GALNT13: variants seen among roughly 807,000 people sequenced by gnomAD.
The protein encoded by GALNT13 is polypeptide N-acetylgalactosaminyltransferase 13.
A neutral mutation model predicts 64.2 loss-of-function variants in GALNT13; 28 were observed. The ratio of observed to expected loss-of-function variants is 0.44; its 90% CI spans 0.32 to 0.60. The LOEUF is 0.60. Among genes scored for constraint, GALNT13 ranks in the 20% least tolerant of loss-of-function variants. GALNT13 has a pLI of 0.05. For synonymous variants in GALNT13, 214 were observed against 224.6 expected (o/e 0.95, Z 0.42); for missense variants, 577 against 669.8 (o/e 0.86, Z 1.53).
intron 9 of GALNT13, among the ~76,000 whole-genome samples, chr2:154,346,640 A>G (rs775424789): frequency 2.0e-5 from 3 of 152,120 alleles, no homozygotes; most frequent in East Asian, 1.9e-4. Context: ...CTCCCCAGCT[A>G]TGTGGAACTG....
intron 2 of GALNT13, among the ~76,000 whole-genome samples, chr2:153,934,993 C>T (rs1056906933): frequency 4.6e-5 from 7 of 152,094 alleles, no homozygotes; most frequent in Non-Finnish European, 1.0e-4. Flanking sequence ...ATTGAACACC[C>T]TAAATAATAT....
chr2:154,259,887 G>A (rs1191792114), intron 8 of GALNT13, among the ~76,000 whole-genome samples: 1 of 151,686 alleles, frequency 6.6e-6, no homozygotes, highest in African/African-American at 2.4e-5. Context: ...TGTTATTGTT[G>A]TTGTTGTTTT....
At chr2:154,152,341 T>C (rs1292598188) in intron 4 of GALNT13, among the ~76,000 whole-genome samples, 1 of 152,112 alleles carries the variant, frequency 6.6e-6, no homozygotes, top group African/African-American at 2.4e-5. Flanking sequence ...TAACCCGACC[T>C]TTCTCTCTGG....
intron 3 of GALNT13, among the ~76,000 whole-genome samples, chr2:154,010,087 A>G (rs1290579001): frequency 6.6e-6 from 1 of 152,210 alleles, no homozygotes. Flanking sequence ...TTCTCAAGGT[A>G]TGAAATCATA....
intron 9 of GALNT13, among the ~76,000 whole-genome samples, chr2:154,389,917 G>A (rs757231477): frequency 2.1e-4 from 32 of 152,130 alleles, no homozygotes; most frequent in Admixed American, 4.6e-4. Context: ...GATGGGTGAG[G>A]GGGTCTGGTG....
At chr2:153,997,421 G>A (rs1046799903) in intron 3 of GALNT13, among the ~76,000 whole-genome samples, 53 of 151,880 alleles carry the variant, frequency 3.5e-4, no homozygotes, top group African/African-American at 1.3e-3. Context: ...TTCTTAGGGG[G>A]ATATTTTTGG....
chr2:153,569,149 G>A, the GALNT13 span, among the ~76,000 whole-genome samples: 3 of 152,108 alleles, frequency 2.0e-5, no homozygotes, highest in East Asian at 5.8e-4. Flanking sequence ...TTATGCTTAT[G>A]TTAAATGCTA....
chr2:153,125,190 T>C, the GALNT13 span, among the ~76,000 whole-genome samples: 2 of 152,366 alleles, frequency 1.3e-5, no homozygotes, highest in East Asian at 1.9e-4. Context: ...GGCAACCTTA[T>C]GCCCAAGGTC....
At chr2:153,282,281 T>G in the GALNT13 span, among the ~76,000 whole-genome samples, 1 of 152,252 alleles carries the variant, frequency 6.6e-6, no homozygotes, top group African/African-American at 2.4e-5. Context: ...TCCTGAATTG[T>G]TTTAGAAGTT....
chr2:153,934,920 T>G (rs146289442), intron 2 of GALNT13, among the ~76,000 whole-genome samples: 37 of 152,312 alleles, frequency 2.4e-4, no homozygotes, highest in African/African-American at 8.9e-4. Context: ...CTCTCAATGA[T>G]ATCCACTTTT....
chr2:154,185,312 A>G (rs1686189952), intron 4 of GALNT13, among the ~76,000 whole-genome samples: 1 of 152,024 alleles, frequency 6.6e-6, no homozygotes. Flanking sequence ...TTTGATTATC[A>G]TATGTTTCAG....
At chr2:154,022,458 C>G (rs995778178) in intron 3 of GALNT13, among the ~76,000 whole-genome samples, 1 of 152,132 alleles carries the variant, frequency 6.6e-6, no homozygotes, top group Admixed American at 6.5e-5. Flanking sequence ...TCCATTTCTT[C>G]TAGATTTTCT....
At chr2:153,149,158 A>T in the GALNT13 span, among the ~76,000 whole-genome samples, 1 of 151,854 alleles carries the variant, frequency 6.6e-6, no homozygotes, top group Non-Finnish European at 1.5e-5. Flanking sequence ...TTGAACATTA[A>T]ATTTGGTCCA....
chr2:153,568,147 T>A, the GALNT13 span, among the ~76,000 whole-genome samples: 1 of 152,360 alleles, frequency 6.6e-6, no homozygotes, highest in Non-Finnish European at 1.5e-5. Flanking sequence ...GGAAAAGTTG[T>A]TTAACATTAA....
At chr2:154,307,668 C>G (rs1693812930) in intron 9 of GALNT13, among the ~76,000 whole-genome samples, 1 of 151,986 alleles carries the variant, frequency 6.6e-6, no homozygotes, top group South Asian at 2.1e-4. Flanking sequence ...GATGCAAATA[C>G]TATATAGCAT....
chr2:154,071,284 T>G (rs926801271), intron 3 of GALNT13, among the ~76,000 whole-genome samples: 7 of 152,126 alleles, frequency 4.6e-5, no homozygotes, highest in African/African-American at 1.7e-4. Flanking sequence ...GAGACTGATA[T>G]AGGGGGTTGA....
chr2:153,987,227 A>G (rs1427886041), intron 3 of GALNT13, among the ~76,000 whole-genome samples: 1 of 151,978 alleles, frequency 6.6e-6, no homozygotes, highest in Non-Finnish European at 1.5e-5. Flanking sequence ...TCATTTAAAT[A>G]AAATCGGGCA....
intron 4 of GALNT13, among the ~76,000 whole-genome samples, chr2:154,168,389 A>T (rs1685152829): frequency 6.6e-6 from 1 of 152,120 alleles, no homozygotes; most frequent in Non-Finnish European, 1.5e-5. Flanking sequence ...CACCCACATT[A>T]TGGAAAGTAA....
the GALNT13 span, among the ~76,000 whole-genome samples, chr2:153,084,467 A>G: frequency 1.3e-5 from 2 of 152,106 alleles, no homozygotes; most frequent in Non-Finnish European, 2.9e-5. Flanking sequence ...TTGGTTAGGT[A>G]TAGTCCTGAT....
Sources: allele counts gnomAD v4.1 joint callset (sites outside exome capture counted in the v4.1 genomes callset), GRCh38; gene constraint gnomAD v4.1.1; transcripts MANE v1.5; gene names NCBI Gene and HGNC (gene_info 2026-07-23, HGNC 2026-07-21).